Variants in ZFYVE9 observed in about 807,000 individuals in gnomAD.
ZFYVE9 encodes the protein zinc finger FYVE-type containing 9.
Under a neutral mutation model 126.7 loss-of-function variants are expected in ZFYVE9, and 43 were observed. The observed-to-expected ratio is 0.34, with a 90% confidence interval of 0.27 to 0.44. The LOEUF is 0.44. ZFYVE9 is among the 20% of genes least tolerant of loss of function. The pLI is 1.00. For missense variants in ZFYVE9, 1,476 were observed against 1,697.0 expected, an observed-to-expected ratio of 0.87 and a Z score of 2.29; for synonymous variants, 521 against 597.4, an observed-to-expected ratio of 0.87 and a Z score of 1.87.
At chr1:52,332,711 A>G (rs1488768003) in intron 13 of ZFYVE9, 57 bp from the exon 14 acceptor site, 9 of 1,584,158 alleles carry the variant, frequency 5.7e-6, no homozygotes, top group African/African-American at 2.7e-5. Flanking sequence ...GAGTTGCACC[A>G]TGTCAGACAG....
intron 1 of ZFYVE9, among the ~76,000 whole-genome samples, chr1:52,161,829 A>T (rs567883833): frequency 5.3e-5 from 8 of 152,326 alleles, no homozygotes; most frequent in African/African-American, 1.9e-4. Flanking sequence ...AGAAAGTTTA[A>T]AAAGGAGTTC....
chr1:52,280,214 CAA>C (rs747397812), intron 9 of ZFYVE9, among the ~76,000 whole-genome samples: 19 of 82,000 alleles, frequency 2.3e-4, no homozygotes, highest in Admixed American at 5.3e-4. Context: ...TCATCCCTAC[CAA>C]AAAAAAAAAA....
chr1:52,253,883 G>C, intron 4 of ZFYVE9: 4 of 1,170,216 alleles, frequency 3.4e-6, no homozygotes, highest in Non-Finnish European at 3.9e-6. Context: ...TCTGATGAAA[G>C]CTATACTCCA....
intron 13 of ZFYVE9, among the ~76,000 whole-genome samples, chr1:52,331,771 C>T (rs1016457706): frequency 1.4e-5 from 2 of 145,120 alleles, no homozygotes; most frequent in African/African-American, 5.2e-5. Context: ...AGGTGTCAAA[C>T]TCTTTTTTTT....
At chr1:52,251,894 T>C (rs1300904649) in intron 4 of ZFYVE9, among the ~76,000 whole-genome samples, 1 of 152,208 alleles carries the variant, frequency 6.6e-6, no homozygotes, top group African/African-American at 2.4e-5. Flanking sequence ...AGATTTTCTG[T>C]TTATTACTGA....
chr1:52,181,628 A>G (rs1644704842), intron 1 of ZFYVE9, among the ~76,000 whole-genome samples: 1 of 139,732 alleles, frequency 7.2e-6, no homozygotes, highest in Non-Finnish European at 1.5e-5. Flanking sequence ...CATCCCATCT[A>G]GGAAGTGAGG....
chr1:52,220,065 C>CA (rs1446077882), intron 2 of ZFYVE9, among the ~76,000 whole-genome samples: 2 of 152,024 alleles, frequency 1.3e-5, no homozygotes, highest in African/African-American at 4.8e-5. Flanking sequence ...TGTGAGCCAC[C>CA]ACACCCTGCC....
At chr1:52,201,704 G>A (rs186286743) in intron 1 of ZFYVE9, among the ~76,000 whole-genome samples, 11 of 151,602 alleles carry the variant, frequency 7.3e-5, no homozygotes, top group South Asian at 4.2e-4. Context: ...GATGCATTCC[G>A]ACAGTCTGTG....
chr1:52,265,106 T>G (rs981842193), intron 5 of ZFYVE9, among the ~76,000 whole-genome samples: 2 of 152,202 alleles, frequency 1.3e-5, no homozygotes, highest in African/African-American at 4.8e-5. Flanking sequence ...TGGCAGAGGA[T>G]TCACATGGAA....
chr1:52,208,518 T>A (rs1410903941), intron 1 of ZFYVE9, among the ~76,000 whole-genome samples: 1 of 147,726 alleles, frequency 6.8e-6, no homozygotes, highest in Non-Finnish European at 1.5e-5. Flanking sequence ...TTTTTTTTTT[T>A]GAGACGGAGT....
At chr1:52,173,623 A>G (rs1368525103) in intron 1 of ZFYVE9, among the ~76,000 whole-genome samples, 1 of 152,086 alleles carries the variant, frequency 6.6e-6, no homozygotes, top group East Asian at 1.9e-4. Context: ...CTGTGAATCC[A>G]TCTGGTCCTG....
At chr1:52,165,868 C>A (rs1557433209) in intron 1 of ZFYVE9, among the ~76,000 whole-genome samples, 1 of 152,188 alleles carries the variant, frequency 6.6e-6, no homozygotes, top group Non-Finnish European at 1.5e-5. Context: ...AATTTGTCTT[C>A]TAGACTGTGT....
At chr1:52,269,755 CT>C (rs1379316452) in intron 7 of ZFYVE9, among the ~76,000 whole-genome samples, 1 of 151,156 alleles carries the variant, frequency 6.6e-6, no homozygotes, top group African/African-American at 2.4e-5. Flanking sequence ...AAAGTTTTTT[CT>C]TTATTCCCCC....
chr1:52,265,095 A>G (rs970773449), intron 5 of ZFYVE9, among the ~76,000 whole-genome samples: 4 of 152,222 alleles, frequency 2.6e-5, no homozygotes, highest in Non-Finnish European at 4.4e-5. Context: ...GATGAAGGAA[A>G]TGGCAGAGGA....
intron 1 of ZFYVE9, among the ~76,000 whole-genome samples, chr1:52,147,408 C>G (rs1187053512): frequency 6.6e-6 from 1 of 152,158 alleles, no homozygotes; most frequent in Non-Finnish European, 1.5e-5. Flanking sequence ...CAGGATCTCC[C>G]TAATCCTCCC....
At chr1:52,312,168 T>C (rs1415043459) in intron 13 of ZFYVE9, among the ~76,000 whole-genome samples, 1 of 152,208 alleles carries the variant, frequency 6.6e-6, no homozygotes, top group Non-Finnish European at 1.5e-5. Flanking sequence ...AACTTCCCAA[T>C]ATAGCTAAAT....
At position 52,253,641 on chromosome 1, in the gene ZFYVE9, A is replaced by C. The variant is rs1463827324; in HGVS notation, c.2179-10132A>C. ...AAAAAATGACCACACCAAACAAGGC[A>C]CCTCCTGGTACTGACCCTGAGCAGT... On this transcript the variant is annotated intron_variant, in intron 4 of 18. Transcript: ENST00000287727. 4 of 1,471,598 alleles carry C rather than the reference A, an allele frequency of 2.7e-6. No homozygotes were observed. The East Asian group carries it at 9.1e-5, about 33-fold the overall frequency. The allele number at this position is 1,471,598 out of a possible 1,614,324, so 91.2% of individuals were successfully genotyped here.
chr1:52,287,895 A>G (rs994322483), intron 10 of ZFYVE9, among the ~76,000 whole-genome samples: 1 of 151,954 alleles, frequency 6.6e-6, no homozygotes, highest in Non-Finnish European at 1.5e-5. Flanking sequence ...GTCATGGTTC[A>G]TGTTTTTATT....
At chr1:52,162,625 C>A in intron 1 of ZFYVE9, 1 of 264,882 alleles carries the variant, frequency 3.8e-6, no homozygotes, top group Non-Finnish European at 7.9e-6. Context: ...TCACGAAGAT[C>A]TCTGTCTGTT....
Sources: allele counts gnomAD v4.1 joint callset (sites outside exome capture counted in the v4.1 genomes callset), GRCh38; gene constraint gnomAD v4.1.1; transcripts MANE v1.5; gene names NCBI Gene and HGNC (gene_info 2026-07-23, HGNC 2026-07-21).